CNTN5: variants seen among roughly 807,000 people sequenced by gnomAD.
CNTN5 encodes contactin 5, also known as contactin-5.
In CNTN5, 77 loss-of-function variants were observed where a neutral mutation model predicts 129.1. That is an observed-to-expected ratio of 0.60 (90% confidence interval 0.50 to 0.72). CNTN5 has a LOEUF of 0.72. Ranked by LOEUF, CNTN5 falls within the 30% of genes least tolerant of loss-of-function variation. The probability of loss-of-function intolerance (pLI) is 0.00; values close to 1 mark genes in which losing one functional copy is unlikely to be tolerated. For missense variants in CNTN5, 1,478 were observed against 1,328.8 expected (o/e 1.11, Z -1.75); for synonymous variants, 509 against 465.6 (o/e 1.09, Z -1.20).
chr11:99,271,216 A>G (rs1457966801), intron 1 of CNTN5, among the ~76,000 whole-genome samples: 1 of 151,900 alleles, frequency 6.6e-6, no homozygotes, highest in Non-Finnish European at 1.5e-5. Flanking sequence ...CTGAAGTGGG[A>G]GCAATTAAGT....
intron 3 of CNTN5, among the ~76,000 whole-genome samples, chr11:99,588,700 C>T (rs1949885544): frequency 6.6e-6 from 1 of 152,084 alleles, no homozygotes; most frequent in Non-Finnish European, 1.5e-5. Context: ...TAGCAGTTGA[C>T]ATCTGGGCTA....
chr11:100,048,222 TC>T lies in CNTN5; in HGVS notation c.981-12989del, dbSNP rs199980222. Among the ~76,000 whole-genome samples, 1,112 of 152,250 alleles carry T rather than the reference TC, an allele frequency of 7.3e-3. 17 individuals are homozygous for T. The highest frequency in any genetic ancestry group is 0.024 in the African/African-American group (1,013 of 41,546). On this transcript the variant is annotated intron_variant, in intron 9 of 24. Transcript: ENST00000524871. Reference sequence around the variant, plus strand: ...ACCATCAGACATTAGAACTAAAGTTTCTTGGGCCTTTAGACTTGAGGGCTTA... The same window carrying T: ...ACCATCAGACATTAGAACTAAAGTTTTTGGGCCTTTAGACTTGAGGGCTTA...
intron 1 of CNTN5, among the ~76,000 whole-genome samples, chr11:99,114,131 A>G (rs756560568): frequency 1.2e-4 from 18 of 152,270 alleles, no homozygotes; most frequent in Non-Finnish European, 1.8e-4. Context: ...TACTGAATTG[A>G]ATTACATAGA....
chr11:99,111,900 C>T (rs1857814373), intron 1 of CNTN5, among the ~76,000 whole-genome samples: 1 of 152,040 alleles, frequency 6.6e-6, no homozygotes, highest in Admixed American at 6.6e-5. Flanking sequence ...ACTAGACAAT[C>T]ATGTTCAAAA....
intron 17 of CNTN5, among the ~76,000 whole-genome samples, chr11:100,261,006 GTC>G (rs1439621258): frequency 6.6e-6 from 1 of 152,114 alleles, no homozygotes; most frequent in Admixed American, 6.5e-5. Context: ...AAGTAAAATT[GTC>G]TCTGTTTGCA....
chr11:99,808,636 A>C (rs1946341435), intron 3 of CNTN5, among the ~76,000 whole-genome samples: 1 of 152,186 alleles, frequency 6.6e-6, no homozygotes, highest in African/African-American at 2.4e-5. Context: ...CTCACCTTGC[A>C]GGGATTCCTA....
At chr11:99,459,501 A>C (rs1281458743) in intron 2 of CNTN5, among the ~76,000 whole-genome samples, 1 of 152,048 alleles carries the variant, frequency 6.6e-6, no homozygotes, top group African/African-American at 2.4e-5. Context: ...AAGAGTCTGG[A>C]GGAAGTGAGT....
chr11:99,352,236 T>C (rs1407796050), intron 2 of CNTN5, among the ~76,000 whole-genome samples: 1 of 149,450 alleles, frequency 6.7e-6, no homozygotes, highest in Non-Finnish European at 1.5e-5. Flanking sequence ...ACCTGTGGAG[T>C]GACCTCACAG....
chr11:99,559,905 A>C (rs1165296097), intron 3 of CNTN5, among the ~76,000 whole-genome samples: 1 of 152,178 alleles, frequency 6.6e-6, no homozygotes, highest in Admixed American at 6.5e-5. Context: ...CAAACATATT[A>C]ATGGATTCTA....
chr11:100,052,801 A>T (rs774628103), intron 9 of CNTN5, among the ~76,000 whole-genome samples: 2 of 151,786 alleles, frequency 1.3e-5, no homozygotes, highest in African/African-American at 2.4e-5. Context: ...TAATTTAAAG[A>T]TTTACTCAAT....
chr11:99,811,263 A>G (rs1565557797), intron 3 of CNTN5, among the ~76,000 whole-genome samples: 1 of 151,988 alleles, frequency 6.6e-6, no homozygotes, highest in Admixed American at 6.6e-5. Context: ...TACCTCTCAT[A>G]TTTAGGGACG....
At chr11:99,853,089 A>G (rs1236660822) in intron 6 of CNTN5, among the ~76,000 whole-genome samples, 1 of 152,180 alleles carries the variant, frequency 6.6e-6, no homozygotes, top group East Asian at 1.9e-4. Flanking sequence ...AAAGGGGCAG[A>G]TAGAGACTAT....
intron 15 of CNTN5, among the ~76,000 whole-genome samples, chr11:100,197,728 T>A (rs1298834574): frequency 6.6e-6 from 1 of 152,008 alleles, no homozygotes. Context: ...ATCCTTATAA[T>A]GCATAAAGAA....
intron 11 of CNTN5, among the ~76,000 whole-genome samples, chr11:100,071,141 A>T (rs1407228576): frequency 6.6e-6 from 1 of 152,108 alleles, no homozygotes; most frequent in Non-Finnish European, 1.5e-5. Flanking sequence ...ATACTATCTT[A>T]TGATACTGAA....
intron 3 of CNTN5, among the ~76,000 whole-genome samples, chr11:99,707,539 T>C (rs1954808552): frequency 2.0e-5 from 3 of 151,676 alleles, no homozygotes; most frequent in Admixed American, 2.0e-4. Context: ...AAAATCAAAA[T>C]ATCTAGGTCT....
chr11:99,643,053 A>G (rs1052856605), intron 3 of CNTN5, among the ~76,000 whole-genome samples: 4 of 152,212 alleles, frequency 2.6e-5, no homozygotes, highest in Admixed American at 2.0e-4. Context: ...TAGTACAGCA[A>G]TAACACAGGA....
chr11:99,561,953 C>A (rs1356747812), intron 3 of CNTN5, among the ~76,000 whole-genome samples: 1 of 152,074 alleles, frequency 6.6e-6, no homozygotes, highest in African/African-American at 2.4e-5. Flanking sequence ...TCAGAATATG[C>A]CACTCCAAAG....
chr11:100,122,037 T>C (rs1334550417), intron 13 of CNTN5, among the ~76,000 whole-genome samples: 1 of 151,824 alleles, frequency 6.6e-6, no homozygotes, highest in Non-Finnish European at 1.5e-5. Context: ...AGAGGATTTA[T>C]TAGGGGAACT....
intron 2 of CNTN5, among the ~76,000 whole-genome samples, chr11:99,377,613 T>C (rs1300374711): frequency 6.6e-6 from 1 of 152,134 alleles, no homozygotes; most frequent in Non-Finnish European, 1.5e-5. Context: ...TCGCTGATAT[T>C]GACATATCGT....
Sources: allele counts gnomAD v4.1 joint callset (sites outside exome capture counted in the v4.1 genomes callset), GRCh38; gene constraint gnomAD v4.1.1; transcripts MANE v1.5; gene names NCBI Gene and HGNC (gene_info 2026-07-23, HGNC 2026-07-21).